CPS1: variants seen among roughly 807,000 people sequenced by gnomAD.
The protein encoded by CPS1 is carbamoyl-phosphate synthase 1.
In CPS1, 109 loss-of-function variants were observed where a neutral mutation model predicts 174.6. The observed-to-expected ratio is 0.62, with a 90% CI of 0.53 to 0.73. CPS1 has a LOEUF of 0.73. Ranked by LOEUF, CPS1 falls within the 30% of genes least tolerant of loss-of-function variation. The pLI, the probability that CPS1 is intolerant of heterozygous loss-of-function variation, is 0.00. For missense variants in CPS1, 1,689 were observed against 1,821.9 expected (o/e 0.93, Z 1.33); for synonymous variants, 637 against 632.0 (o/e 1.01, Z -0.12).
Position 210,608,488 on chromosome 2 carries a change from C to A in CPS1, c.2320C>A (p.Pro774Thr). ...PSLDYMVTKI[P>T]RWDLDRFHGT... ...CCTGGATTACATGGTCACCAAGATT[C>A]CCCGCTGGGATCTTGACCGTTTTCA... Residue 774 changes from proline to threonine, a missense_variant, in exon 19 of 38, where the codon CCC becomes ACC. Physicochemically the swap from Pro to Thr is conservative, Grantham distance 38 (BLOSUM62 -1). Transcript: ENST00000233072. 1 of 1,612,410 alleles carries A rather than the reference C, an allele frequency of 6.2e-7. No individual in the cohort carries two copies. The highest frequency in any genetic ancestry group is 8.5e-7 in the Non-Finnish European group (1 of 1,178,924).
intron 1 of CPS1, among the ~76,000 whole-genome samples, chr2:210,540,622 C>A (rs910436077): frequency 1.2e-4 from 19 of 152,162 alleles, no homozygotes; most frequent in Admixed American, 1.2e-3. Context: ...TGTTTAAATT[C>A]TATCAGCAAA....
intron 1 of CPS1, among the ~76,000 whole-genome samples, chr2:210,520,464 G>T (rs1695791049): frequency 6.6e-6 from 1 of 151,806 alleles, no homozygotes; most frequent in South Asian, 2.1e-4. Flanking sequence ...CCCTCCCCTT[G>T]TCCTCCACCT....
In CPS1 at chr2:210,573,523, G is replaced by C. The variant is rs1433584795; in HGVS notation, c.236+116G>C. On this transcript the variant is annotated intron_variant, in intron 2 of 37. Transcript: ENST00000233072. ...TCGTAGTAAGACTACGTATTGTCCT[G>C]AAGTTGCACCATGCCTTGTGCATAG... 36 of 835,606 alleles carry C rather than the reference G, an allele frequency of 4.3e-5. 1 individual carries two copies. The East Asian group carries it at 8.9e-4, about 21-fold the overall frequency. 51.8% of individuals were successfully genotyped at this position (835,606 alleles called of 1,614,324 possible).
At chr2:210,564,228 AC>A (rs1249891601) in intron 1 of CPS1, among the ~76,000 whole-genome samples, 16 of 152,170 alleles carry the variant, frequency 1.1e-4, no homozygotes, top group Admixed American at 1.0e-3. Flanking sequence ...CGGCAGACAA[AC>A]CAAAACAATT....
intron 1 of CPS1, among the ~76,000 whole-genome samples, chr2:210,495,943 C>T (rs1315114510): frequency 6.6e-6 from 1 of 151,156 alleles, no homozygotes; most frequent in Non-Finnish European, 1.5e-5. Flanking sequence ...TTTTTTCCTC[C>T]CTCTCTCACT....
intron 1 of CPS1, among the ~76,000 whole-genome samples, chr2:210,535,605 A>T (rs1241113420): frequency 6.6e-6 from 1 of 152,176 alleles, no homozygotes; most frequent in Non-Finnish European, 1.5e-5. Flanking sequence ...ATCAAAGCTG[A>T]TGAATGACAA....
chr2:210,632,588 G>A (rs1208866625), intron 21 of CPS1, among the ~76,000 whole-genome samples: 1 of 152,190 alleles, frequency 6.6e-6, no homozygotes, highest in Admixed American at 6.5e-5. Context: ...GAATTGACCT[G>A]CTTCCATTAG....
chr2:210,639,728 G>A (rs1236326565), intron 23 of CPS1, among the ~76,000 whole-genome samples: 2 of 148,482 alleles, frequency 1.3e-5, no homozygotes, highest in Non-Finnish European at 3.0e-5. Context: ...TCAAACAAAT[G>A]AAAAATTAAG....
At chr2:210,575,938 A>G (rs1429530180) in intron 2 of CPS1, among the ~76,000 whole-genome samples, 1 of 152,060 alleles carries the variant, frequency 6.6e-6, no homozygotes, top group Non-Finnish European at 1.5e-5. Flanking sequence ...TCTTGGTGAA[A>G]CTGGCAGCCC....
rs374335271 is a variant in CPS1 at position 210,600,704 on chromosome 2, G to A, written c.1699G>A (p.Val567Met). The change falls in exon 15 of 38, where the codon GTG (valine) becomes ATG (methionine). Residue 567 changes from valine (V) to methionine (M), a missense_variant. Physicochemically the swap from Val to Met is conservative, Grantham distance 21 (BLOSUM62 1). Transcript: ENST00000233072. Reference sequence around the variant, plus strand: ...TGAAAAGATTGCTCCAAGTTTTGCAGTGGAATCGGTAAGGATTCTTTGCTT... The same window carrying A: ...TGAAAAGATTGCTCCAAGTTTTGCAATGGAATCGGTAAGGATTCTTTGCTT... ...INEKIAPSFAVESIEDALKAA... is the reference protein window; with the variant it reads ...INEKIAPSFAMESIEDALKAA... 8 of 1,611,786 alleles carry A rather than the reference G, an allele frequency of 5.0e-6. No homozygotes were observed. The highest frequency in any genetic ancestry group is 6.8e-6 in the Non-Finnish European group (8 of 1,178,574).
At chr2:210,582,347 C>G (rs945724906) in intron 5 of CPS1, among the ~76,000 whole-genome samples, 1 of 152,052 alleles carries the variant, frequency 6.6e-6, no homozygotes, top group African/African-American at 2.4e-5. Flanking sequence ...GCCTGGAGAC[C>G]TGAATTCTGA....
At chr2:210,668,108 T>TA in intron 33 of CPS1, 78 bp from the exon 34 acceptor site, 3 of 794,796 alleles carry the variant, frequency 3.8e-6, no homozygotes, top group Middle Eastern at 3.2e-4. Flanking sequence ...GTGTGTGTAT[T>TA]TTAATTTTAA....
chr2:210,633,782 A>G (rs1699944257), intron 21 of CPS1, among the ~76,000 whole-genome samples: 1 of 152,180 alleles, frequency 6.6e-6, no homozygotes, highest in Non-Finnish European at 1.5e-5. Context: ...AAATAGAAAA[A>G]CCTGACTGAA....
intron 1 of CPS1, among the ~76,000 whole-genome samples, chr2:210,566,791 A>G (rs1361188963): frequency 6.6e-6 from 1 of 152,058 alleles, no homozygotes; most frequent in African/African-American, 2.4e-5. Flanking sequence ...GAGAAAACCC[A>G]CTAATGGCTT....
chr2:210,491,342 A>T, intron 1 of CPS1, among the ~76,000 whole-genome samples: 1 of 59,220 alleles, frequency 1.7e-5, no homozygotes, highest in Admixed American at 2.7e-4. Flanking sequence ...TTTTTTTGAG[A>T]CGGAGTCTTG....
chr2:210,594,676 C>G, intron 12 of CPS1, 70 bp downstream of exon 12: 1 of 1,089,802 alleles, frequency 9.2e-7, no homozygotes, highest in Non-Finnish European at 1.4e-6. Context: ...TTTTTAAAAA[C>G]TAAGTGATGT....
At chr2:210,615,210 G>A (rs1301973413) in intron 20 of CPS1, among the ~76,000 whole-genome samples, 2 of 151,782 alleles carry the variant, frequency 1.3e-5, no homozygotes, top group African/African-American at 2.4e-5. Flanking sequence ...GTAGATGGCC[G>A]ACAGCTAATT....
At chr2:210,544,856 G>A (rs958746172) in intron 1 of CPS1, among the ~76,000 whole-genome samples, 5 of 151,946 alleles carry the variant, frequency 3.3e-5, no homozygotes, top group Non-Finnish European at 5.9e-5. Flanking sequence ...GAGGAAATAC[G>A]TTGACTTTGA....
At chr2:210,532,203 T>C (rs1696131652) in intron 1 of CPS1, among the ~76,000 whole-genome samples, 1 of 152,158 alleles carries the variant, frequency 6.6e-6, no homozygotes, top group Admixed American at 6.5e-5. Context: ...TAAATAATTT[T>C]GGAGGGTTAT....
Sources: allele counts gnomAD v4.1 joint callset (sites outside exome capture counted in the v4.1 genomes callset), GRCh38; gene constraint gnomAD v4.1.1; transcripts MANE v1.5; gene names NCBI Gene and HGNC (gene_info 2026-07-23, HGNC 2026-07-21).